The following IL1RAPL2 variants were observed in gnomAD, a reference collection of about 807,000 sequenced individuals.
IL1RAPL2 encodes the protein X-linked interleukin-1 receptor accessory protein-like 2.
A neutral mutation model predicts 44.1 loss-of-function variants in IL1RAPL2; 3 were observed. That is an observed-to-expected ratio of 0.07 (90% confidence interval 0.03 to 0.18). The LOEUF is 0.18. Ranked by LOEUF, IL1RAPL2 falls within the 10% of genes least tolerant of loss-of-function variation. The pLI, the probability that IL1RAPL2 is intolerant of heterozygous loss-of-function variation, is 1.00. For missense variants in IL1RAPL2, 391 were observed against 496.4 expected, an observed-to-expected ratio of 0.79 and a Z score of 2.02; for synonymous variants, 181 against 178.8, an observed-to-expected ratio of 1.01 and a Z score of -0.10.
At chrX:104,766,428 T>A (rs1178980229) in intron 2 of IL1RAPL2, among the ~76,000 whole-genome samples, 2 of 111,227 alleles carry the variant, frequency 1.8e-5, no homozygotes, top group Admixed American at 1.9e-4. Context: ...CCTTCCCTCC[T>A]TCCTCCCTCC....
At chrX:105,526,329 T>C (rs185029513) in intron 6 of IL1RAPL2, among the ~76,000 whole-genome samples, 70 of 111,900 alleles carry the variant, frequency 6.3e-4, no homozygotes, top group African/African-American at 2.1e-3. Context: ...ATACATGATT[T>C]AATCACCTCA....
chrX:105,539,240 AGAACAAACCCT>A (rs766849529), intron 6 of IL1RAPL2, among the ~76,000 whole-genome samples: 3 of 111,555 alleles, frequency 2.7e-5, no homozygotes, highest in Non-Finnish European at 5.6e-5. Flanking sequence ...CTAAACAAAA[AGAACAAACCCT>A]GAGGCGTCAC....
intron 5 of IL1RAPL2, among the ~76,000 whole-genome samples, chrX:105,372,920 G>A (rs896812303): frequency 4.5e-5 from 5 of 112,182 alleles, no homozygotes; most frequent in African/African-American, 1.6e-4. Flanking sequence ...TTCTACCATT[G>A]ATGGGCATTT....
intron 2 of IL1RAPL2, among the ~76,000 whole-genome samples, chrX:104,696,099 C>T (rs1931178060): frequency 1.8e-5 from 2 of 111,819 alleles, no homozygotes; most frequent in Non-Finnish European, 3.8e-5. Context: ...TGAGCCACTG[C>T]GCCCAGCAAA....
At chrX:104,668,735 G>A (rs1930535015) in intron 2 of IL1RAPL2, among the ~76,000 whole-genome samples, 4 of 108,201 alleles carry the variant, frequency 3.7e-5, no homozygotes, top group Admixed American at 3.0e-4. Context: ...CATTACCAGC[G>A]GGTGGCACTG....
chrX:104,610,665 G>T (rs1929134568), intron 1 of IL1RAPL2, among the ~76,000 whole-genome samples: 2 of 111,633 alleles, frequency 1.8e-5, no homozygotes, highest in African/African-American at 3.3e-5. Flanking sequence ...CATGCTCATG[G>T]GCAGGAAGAA....
At chrX:105,737,229 G>A (rs756157145) in intron 7 of IL1RAPL2, among the ~76,000 whole-genome samples, 84 of 111,061 alleles carry the variant, frequency 7.6e-4, no homozygotes, top group Admixed American at 1.4e-3. Flanking sequence ...GGGCCTACTT[G>A]AGAGTCTTGG....
intron 2 of IL1RAPL2, among the ~76,000 whole-genome samples, chrX:104,932,399 T>TA (rs920879974): frequency 3.6e-5 from 4 of 111,215 alleles, no homozygotes; most frequent in East Asian, 5.6e-4. Context: ...ATTTTACAGG[T>TA]AAAAAATCAC....
At chrX:104,603,962 A>C (rs1928943084) in intron 1 of IL1RAPL2, among the ~76,000 whole-genome samples, 1 of 111,620 alleles carries the variant, frequency 9.0e-6, no homozygotes, top group South Asian at 3.8e-4. Context: ...AGAACACCAC[A>C]AAGATACTCC....
In IL1RAPL2 at chrX:105,358,674, CA is replaced by C. The variant is rs66659226; in HGVS notation, c.697+91145del. On this transcript the variant is annotated intron_variant, in intron 5 of 10. Coordinates refer to ENST00000372582, the MANE Select transcript of IL1RAPL2 (RefSeq NM_017416.2). Reference sequence around the variant, plus strand: ...TGGGCAATAGAGTGAGACCCTGTCTCAAAAAAAAAAAACACAACAACAACAA... The same window carrying C: ...TGGGCAATAGAGTGAGACCCTGTCTCAAAAAAAAAAACACAACAACAACAA... Among the ~76,000 whole-genome samples the C allele has an allele frequency of 1.7e-3, 51 of 29,520 alleles. 1 individual carries two copies. Among genetic ancestry groups the C allele is most frequent in the Admixed American group, 0.01 (19 of 1,837 alleles). The allele number at this position is 29,520 out of a possible 115,157, so 25.6% of individuals were successfully genotyped here. A position where few individuals can be genotyped will look rare whatever the true frequency, so the allele number is the denominator to read the frequency against.
chrX:105,210,147 C>T (rs782239965), intron 3 of IL1RAPL2, among the ~76,000 whole-genome samples: 22 of 111,699 alleles, frequency 2.0e-4, no homozygotes, highest in African/African-American at 7.2e-4. Context: ...GCAGGAAACC[C>T]CTTGGGTTCC....
At chrX:105,740,448 A>C in intron 7 of IL1RAPL2, 98 bp from the exon 8 acceptor site, 5 of 862,088 alleles carry the variant, frequency 5.8e-6, no homozygotes, top group Non-Finnish European at 8.3e-6. Context: ...GCCCATCATC[A>C]GAGACCTGTG....
chrX:105,662,362 A>G lies in IL1RAPL2; in HGVS notation c.773-55005A>G, dbSNP rs2037726797. On this transcript the variant is annotated intron_variant, in intron 6 of 10. Coordinates refer to ENST00000372582, the MANE Select transcript of IL1RAPL2 (RefSeq NM_017416.2). ...AGAATCTCCCTTTGTAAAATCTTAG[A>G]TTTTTACACTGACCTTTATGTTATA... Among the ~76,000 whole-genome samples, 4 of 111,644 alleles carry G rather than the reference A, an allele frequency of 3.6e-5. No homozygotes were observed. In the South Asian group the frequency reaches 1.5e-3, roughly 42 times the overall value.
intron 2 of IL1RAPL2, among the ~76,000 whole-genome samples, chrX:104,911,687 T>C (rs1225678783): frequency 9.0e-6 from 1 of 111,567 alleles, no homozygotes; most frequent in East Asian, 2.8e-4. Context: ...TTCCATGATG[T>C]ATAGAATAGA....
chrX:105,146,630 C>T (rs1446364743), intron 2 of IL1RAPL2, among the ~76,000 whole-genome samples: 6 of 111,508 alleles, frequency 5.4e-5, no homozygotes, highest in African/African-American at 2.0e-4. Context: ...TTAGTATATT[C>T]ACAGAGTTAT....
chrX:104,860,829 T>C (rs949965005), intron 2 of IL1RAPL2, among the ~76,000 whole-genome samples: 4 of 111,176 alleles, frequency 3.6e-5, no homozygotes, highest in African/African-American at 1.3e-4. Context: ...AAAGTTAGGT[T>C]AAATTGGAAT....
intron 2 of IL1RAPL2, among the ~76,000 whole-genome samples, chrX:104,682,290 GA>G (rs1169859467): frequency 1.8e-5 from 2 of 112,141 alleles, no homozygotes; most frequent in Admixed American, 9.5e-5. Context: ...AATTAGGACA[GA>G]AATTTCAAAA....
intron 5 of IL1RAPL2, among the ~76,000 whole-genome samples, chrX:105,448,352 T>A (rs1490922904): frequency 1.9e-5 from 2 of 105,627 alleles, no homozygotes; most frequent in African/African-American, 7.6e-5. Context: ...GTCTACCTCC[T>A]CTTTAAGGCC....
intron 2 of IL1RAPL2, among the ~76,000 whole-genome samples, chrX:105,124,832 T>C (rs2032959468): frequency 9.0e-6 from 1 of 111,259 alleles, no homozygotes; most frequent in Non-Finnish European, 1.9e-5. Context: ...AACGTGATTG[T>C]TCATTAAGTT....
Sources: gnomAD v4.1 joint callset for allele counts (sites outside exome capture counted in the v4.1 genomes callset) on GRCh38, gnomAD v4.1.1 for gene constraint, MANE v1.5 for transcripts, NCBI Gene and HGNC (gene_info 2026-07-23, HGNC 2026-07-21) for gene names.